LCA5: variants seen among roughly 807,000 people sequenced by gnomAD.
LCA5 encodes lebercilin.
LCA5 carries 37 observed loss-of-function variants against 53.0 expected under a neutral mutation model. The observed-to-expected ratio is 0.70, with a 90% CI of 0.54 to 0.92. LCA5 has a LOEUF of 0.92. Ranked by LOEUF, LCA5 falls within the 40% of genes least tolerant of loss-of-function variation. LCA5 has a pLI of 0.00. For missense variants in LCA5, 806 were observed against 790.5 expected (o/e 1.02, Z -0.23); for synonymous variants, 303 against 282.9 (o/e 1.07, Z -0.71).
chr6:79,515,021 AC>A (rs1222458443), intron 2 of LCA5, among the ~76,000 whole-genome samples: 1 of 152,108 alleles, frequency 6.6e-6, no homozygotes, highest in Non-Finnish European at 1.5e-5. Flanking sequence ...TGAACTTAAA[AC>A]TAAAAAAAAA....
At position 79,491,663 on chromosome 6, in the gene LCA5, T is replaced by C. The variant is rs1769847428; in HGVS notation, c.1023A>G (p.Pro341=). The change falls in exon 6 of 8, where the codon CCA becomes CCG. Residue 341 remains proline (P), a synonymous_variant. Transcript: ENST00000369846. The stretch of plus-strand genomic sequence containing the variant: ...TTTCTGGAGTTAAAGGATATTCTTC[T>C]GGCTTGAAGTCTTCCATGGTTTGTA... ...KGVQTMEDFK[P]EEYPLTPETI... The C allele has an allele frequency of 1.2e-6, 2 of 1,613,252 alleles. No homozygotes were observed. Among genetic ancestry groups the C allele is most frequent in the African/African-American group, 1.3e-5 (1 of 75,028 alleles).
In LCA5 at chr6:79,487,202, T is replaced by C. The variant is rs564637289; in HGVS notation, c.1896A>G (p.Gly632=). 6.2e-7 allele frequency: 1 copy of C among 1,614,064 alleles called. No homozygotes were observed. The highest frequency in any genetic ancestry group is 1.1e-5 in the South Asian group (1 of 91,084). ...SDPNSVASSK[G]DIDPLNFLPG... ...GGAGAAAATTTAGAGGGTCAATGTC[T>C]CCTTTACTGGAAGCCACAGAATTTG... is the stretch of plus-strand genomic sequence containing the variant. Residue 632 remains glycine, a synonymous_variant, in exon 8 of 8, where the codon GGA becomes GGG. Coordinates refer to ENST00000369846, the MANE Select transcript of LCA5 (RefSeq NM_001122769.3).
chr6:79,506,086 T>C (rs1488642910), intron 3 of LCA5, among the ~76,000 whole-genome samples: 1 of 152,114 alleles, frequency 6.6e-6, no homozygotes, highest in Admixed American at 6.6e-5. Flanking sequence ...TATAGTAAAA[T>C]CTACTGAAAG....
chr6:79,519,106 A>G, intron 1 of LCA5, 21 bp from the exon 2 acceptor site: 1 of 607,628 alleles, frequency 1.6e-6, no homozygotes, highest in Non-Finnish European at 2.9e-6. Flanking sequence ...GGAAGGGGAA[A>G]GGAGACTTAT....
rs142430268 is a variant in LCA5 at position 79,514,324 on chromosome 6, A to G, written c.191-583T>C. On this transcript the variant is annotated intron_variant, in intron 2 of 7. Coordinates refer to ENST00000369846, the MANE Select transcript of LCA5 (RefSeq NM_001122769.3). ...GGGGTACAATGAGATACCGTCGCAC[A>G]TCAGTCAGAATGACTATTATTAAAA... Among the ~76,000 whole-genome samples, 19 of 152,252 alleles carry G rather than the reference A, an allele frequency of 1.2e-4. No homozygotes were observed. In the East Asian group the frequency reaches 3.5e-3, roughly 28 times the overall value.
intron 1 of LCA5, among the ~76,000 whole-genome samples, chr6:79,534,561 AT>A (rs1269225311): frequency 6.6e-6 from 1 of 152,172 alleles, no homozygotes; most frequent in Non-Finnish European, 1.5e-5. Context: ...GGAAAAAAAA[AT>A]AATGCGACAG....
intron 3 of LCA5, among the ~76,000 whole-genome samples, chr6:79,512,433 TACC>T (rs1766251046): frequency 6.6e-6 from 1 of 152,142 alleles, no homozygotes; most frequent in Non-Finnish European, 1.5e-5. Context: ...ATAGAGTAAG[TACC>T]ACAACATGCC....
intron 3 of LCA5, among the ~76,000 whole-genome samples, chr6:79,500,539 T>C (rs1322424078): frequency 1.3e-5 from 2 of 152,194 alleles, no homozygotes; most frequent in East Asian, 3.8e-4. Context: ...TTCAGATCCT[T>C]GTGTAAGCAA....
At chr6:79,500,212 T>C (rs931264115) in intron 3 of LCA5, among the ~76,000 whole-genome samples, 2 of 152,134 alleles carry the variant, frequency 1.3e-5, no homozygotes, top group East Asian at 1.9e-4. Context: ...GTAATTTTTT[T>C]CCCCACTTTT....
chr6:79,491,278 T>A lies in LCA5; in HGVS notation c.1098+310A>T, dbSNP rs548147856. ...TAAAACACTCAAGCCAAAGGAATTTTAAATTTTATTATTATTATACTTTAA... is the reference window on the plus strand; with the variant it reads ...TAAAACACTCAAGCCAAAGGAATTTAAAATTTTATTATTATTATACTTTAA... On this transcript the variant is annotated intron_variant, in intron 6 of 7. Transcript: ENST00000369846. 2.0e-5 allele frequency among the ~76,000 whole-genome samples: 3 copies of A among 152,178 alleles called. No homozygotes were observed. The East Asian group carries it at 5.8e-4, about 29-fold the overall frequency.
chr6:79,492,502 C>T, intron 5 of LCA5, 49 bp downstream of exon 5: 1 of 880,422 alleles, frequency 1.1e-6, no homozygotes, highest in Non-Finnish European at 1.8e-6. Flanking sequence ...TGTACTATCA[C>T]TAAATAATAG....
intron 3 of LCA5, among the ~76,000 whole-genome samples, chr6:79,503,340 T>A (rs1446350367): frequency 6.6e-6 from 1 of 152,196 alleles, no homozygotes; most frequent in Non-Finnish European, 1.5e-5. Flanking sequence ...GTCCCCTTTG[T>A]AACATAACTC....
Position 79,487,245 on chromosome 6 carries a change from G to A in LCA5, c.1853C>T (p.Ser618Phe). The A allele has an allele frequency of 6.2e-7, 1 of 1,614,070 alleles. No homozygotes were observed. Among genetic ancestry groups the A allele is most frequent in the Non-Finnish European group, 8.5e-7 (1 of 1,179,948 alleles). ...AGAATTTGGGTCACTGCTTTTGGAG[G>A]AAATGGTGCTGCTACCACTGGCACC... ...LFGASGSSTISSKSSDPNSVA... is the reference protein window; with the variant it reads ...LFGASGSSTIFSKSSDPNSVA... Residue 618 changes from serine (S) to phenylalanine (F), a missense_variant, in exon 8 of 8, where the codon TCC becomes TTC. Coordinates refer to ENST00000369846, the MANE Select transcript of LCA5 (RefSeq NM_001122769.3).
In LCA5 at chr6:79,487,842, T is replaced by G; in HGVS notation, c.1256A>C (p.Lys419Thr). 1 of 1,608,106 alleles carries G rather than the reference T, an allele frequency of 6.2e-7. No individual in the cohort carries two copies. Residue 419 changes from lysine to threonine, a missense_variant, in exon 8 of 8, where the codon AAA becomes ACA. Physicochemically the swap from Lys to Thr is moderately conservative, Grantham distance 78. Coordinates refer to ENST00000369846, the MANE Select transcript of LCA5 (RefSeq NM_001122769.3). The stretch of plus-strand genomic sequence containing the variant: ...TAAAGATGCCTTTTCTTTTTGCTTT[T>G]TATCAAGTTCTTCTCTTTCCCATTC... ...EDEWEREELD[K>T]KQKEKASLLE...
In LCA5 at chr6:79,518,823, T is replaced by A. The variant is rs1562109257; in HGVS notation, c.72A>T (p.Leu24Phe). 6.2e-7 allele frequency: 1 copy of A among 1,614,032 alleles called. No individual in the cohort carries two copies. Among genetic ancestry groups the A allele is most frequent in the East Asian group, 2.2e-5 (1 of 44,872 alleles). The stretch of plus-strand genomic sequence containing the variant: ...AAGACTGTGGCGTTTCAAAATCAGA[T>A]AAGTAAGAATAATGGTGTTTGCCTG... ...RKAGKHHYSY[L>F]SDFETPQSSG... Residue 24 changes from leucine to phenylalanine, a missense_variant, in exon 2 of 8, where the codon TTA becomes TTT. Physicochemically the swap from Leu to Phe is conservative, Grantham distance 22 (BLOSUM62 0). Coordinates refer to ENST00000369846, the MANE Select transcript of LCA5 (RefSeq NM_001122769.3).
In LCA5 at chr6:79,526,384, A is replaced by C. The variant is rs1766789122; in HGVS notation, c.-191-7299T>G. ...ACGGTGAAACCCCGTCTCTACTAAAAACACAAAAAATTAGCTGGGCGAGGT... is the reference window on the plus strand; with the variant it reads ...ACGGTGAAACCCCGTCTCTACTAAACACACAAAAAATTAGCTGGGCGAGGT... On this transcript the variant is annotated intron_variant, in intron 1 of 7. Coordinates refer to ENST00000369846, the MANE Select transcript of LCA5 (RefSeq NM_001122769.3). Among the ~76,000 whole-genome samples the C allele has an allele frequency of 2.6e-5, 4 of 152,088 alleles. No individual in the cohort carries two copies. The South Asian group carries it at 8.3e-4, about 32-fold the overall frequency.
At chr6:79,496,994 T>C (rs1769999001) in intron 3 of LCA5, among the ~76,000 whole-genome samples, 1 of 152,220 alleles carries the variant, frequency 6.6e-6, no homozygotes, top group South Asian at 2.1e-4. Flanking sequence ...ACTACTAAAG[T>C]TAATTGTCAT....
chr6:79,493,695 G>C lies in LCA5; in HGVS notation c.776C>G (p.Ala259Gly). 6.2e-7 allele frequency: 1 copy of C among 1,613,416 alleles called. No homozygotes were observed. Among genetic ancestry groups the C allele is most frequent in the Non-Finnish European group, 8.5e-7 (1 of 1,179,626 alleles). Residue 259 changes from alanine (A) to glycine (G), a missense_variant, in exon 4 of 8, where the codon GCT (alanine) becomes GGT (glycine). Ala to Gly is a moderately conservative substitution (Grantham distance 60). Coordinates refer to ENST00000369846, the MANE Select transcript of LCA5 (RefSeq NM_001122769.3). ...STNSFQRQLL[A>G]ERKRAYEAHD... is the part of the protein sequence containing the mutation. ...AGCCTCATATGCCCTTTTCCTTTCAGCAAGCAACTGTCGTTGGAAACTGTT... is the reference window on the plus strand; with the variant it reads ...AGCCTCATATGCCCTTTTCCTTTCACCAAGCAACTGTCGTTGGAAACTGTT...
Position 79,513,688 on chromosome 6 carries a change from C to G in LCA5, c.244G>C (p.Gly82Arg). The G allele has an allele frequency of 6.2e-7, 1 of 1,613,710 alleles. No individual in the cohort carries two copies. Among genetic ancestry groups the G allele is most frequent in the Non-Finnish European group, 8.5e-7 (1 of 1,179,780 alleles). The change falls in exon 3 of 8, where the codon GGA becomes CGA. Residue 82 changes from glycine to arginine, a missense_variant. Transcript: ENST00000369846. ...GLPNRKGVRVGFRSQSLNREP... is the reference protein window; with the variant it reads ...GLPNRKGVRVRFRSQSLNREP... ...CTATTGAGGCTCTGGGAGCGAAATC[C>G]CACTCGGACTCCCTTTCTGTTTGGT...
Sources: gnomAD v4.1 joint callset for allele counts (sites outside exome capture counted in the v4.1 genomes callset) on GRCh38, gnomAD v4.1.1 for gene constraint, MANE v1.5 for transcripts, NCBI Gene and HGNC (gene_info 2026-07-23, HGNC 2026-07-21) for gene names.